The following STXBP2 variants were observed in gnomAD, a reference collection of about 807,000 sequenced individuals.
The protein encoded by STXBP2 is syntaxin binding protein 2.
Under a neutral mutation model 72.2 loss-of-function variants are expected in STXBP2, and 47 were observed. That is an observed-to-expected ratio of 0.65 (90% CI 0.51 to 0.83). The LOEUF (loss-of-function observed/expected upper bound fraction) is 0.83, where lower values mean the gene tolerates loss of function less well. STXBP2 is among the 40% of genes least tolerant of loss of function. The pLI is 0.00. For missense variants in STXBP2, 702 were observed against 807.6 expected, an observed-to-expected ratio of 0.87 and a Z score of 1.58; for synonymous variants, 367 against 338.7, an observed-to-expected ratio of 1.08 and a Z score of -0.92.
intron 1 of STXBP2, 60 bp downstream of exon 1, chr19:7,637,246 A>C (rs1481492887): frequency 8.3e-7 from 1 of 1,205,168 alleles, no homozygotes; most frequent in Non-Finnish European, 1.0e-6. Flanking sequence ...TCGGGGACGC[A>C]CGGGCTCTGG....
rs370755022 is a variant in STXBP2, at chr19:7,643,254, G to A, written c.1107+9G>A. ...TGTGTAGTGTGGAGCAGGTGGGGCA[G>A]GGCTTGCGGGGGGCAGGGGTGATGG... On this transcript the variant is annotated intron_variant, in intron 13 of 18. Transcript: ENST00000221283. 1.2e-6 allele frequency: 2 copies of A among 1,613,000 alleles called. No homozygotes were observed. Among genetic ancestry groups the A allele is most frequent in the Non-Finnish European group, 1.7e-6 (2 of 1,179,784 alleles).
At position 7,646,377 on chromosome 19, in the gene STXBP2, C is replaced by T. The variant is rs1178753731; in HGVS notation, c.1452+33C>T. 5.1e-6 allele frequency: 8 copies of T among 1,569,836 alleles called. No individual in the cohort carries two copies. In the Admixed American group the frequency reaches 5.6e-5, roughly 11 times the overall value. On this transcript the variant is annotated intron_variant, in intron 16 of 18. Transcript: ENST00000221283. ...GTGGCAGGTCAGGGTGGGGGCCAGC[C>T]CTCCGCATCGGCTGGCGGCTCAGCC...
chr19:7,634,833 G>A (rs1436089525), upstream of STXBP2, among the ~76,000 whole-genome samples: 1 of 152,124 alleles, frequency 6.6e-6, no homozygotes, highest in South Asian at 2.1e-4. Context: ...GATGTCCTTG[G>A]CTTGTCACTG....
rs1332603018 is a variant in STXBP2 at position 7,638,640 on chromosome 19, G to A, written c.38-86G>A. The A allele has an allele frequency of 4.2e-6, 6 of 1,418,036 alleles. No homozygotes were observed. In the East Asian group the frequency reaches 1.1e-4, roughly 27 times the overall value. 87.8% of individuals were successfully genotyped at this position (1,418,036 alleles called of 1,614,324 possible). A position where few individuals can be genotyped will look rare whatever the true frequency, so the allele number is the denominator to read the frequency against. ...AAAAAGTAAATGGGAATTAAGATGG[G>A]GGTTCAGCCCCAAGGCTGAGAAGGC... On this transcript the variant is annotated intron_variant, in intron 1 of 18. Transcript: ENST00000221283.
intron 2 of STXBP2, 39 bp from the exon 3 acceptor site, chr19:7,638,980 C>A: frequency 1.2e-6 from 2 of 1,612,380 alleles, no homozygotes; most frequent in Admixed American, 1.7e-5. Context: ...TGGCCTCTTC[C>A]GCCTGCTCCT....
chr19:7,646,418 TGCTAA>T (rs2032141592), intron 16 of STXBP2, 74 bp downstream of exon 16: 1 of 1,343,758 alleles, frequency 7.4e-7, no homozygotes, highest in African/African-American at 1.4e-5. Flanking sequence ...CCTGCTGAGG[TGCTAA>T]GCCTCAGGGC....
upstream of STXBP2, chr19:7,632,373 A>C (rs754400088): frequency 1.2e-6 from 2 of 1,613,202 alleles, no homozygotes; most frequent in African/African-American, 2.7e-5. This position sits in a 1 kb window ranked among gnomAD's most constrained non-coding sequence, Gnocchi z 5.2. Flanking sequence ...TCTCCTCGAC[A>C]TCGCCAGAAC....
upstream of STXBP2, chr19:7,632,256 G>C: frequency 7.5e-7 from 1 of 1,338,924 alleles, no homozygotes; most frequent in African/African-American, 1.4e-5. This position sits in a 1 kb window ranked among gnomAD's most constrained non-coding sequence, Gnocchi z 5.2. Flanking sequence ...CCTGGGCCTT[G>C]GTCCTCCCAT....
At chr19:7,646,542 T>C in intron 16 of STXBP2, 198 bp downstream of exon 16, 1 of 647,662 alleles carries the variant, frequency 1.5e-6, no homozygotes, top group South Asian at 1.7e-5. Context: ...GGGCCTGTGC[T>C]GGGGAGCCTC....
Position 7,642,333 on chromosome 19 carries a change from G to A in STXBP2, c.794G>A (p.Arg265Lys). 6.2e-7 allele frequency: 1 copy of A among 1,613,954 alleles called. No homozygotes were observed. The highest frequency in any genetic ancestry group is 1.7e-5 in the Admixed American group (1 of 60,020). The part of the protein sequence containing the change: ...DLLDIEQDTY[R>K]YETTGLSEAR... ...CTGGACATAGAGCAGGACACATACA[G>A]GTCTGCAGACTTGGAACCCGTCCCC... Residue 265 changes from arginine to lysine, a missense_variant and splice_region_variant, in exon 9 of 19, where the codon AGG becomes AAG. Transcript: ENST00000221283. This position sits in a 1 kb window ranked among gnomAD's most constrained non-coding sequence, Gnocchi z 6.0.
chr19:7,641,348 C>T (rs561959972), intron 6 of STXBP2: 70 of 495,080 alleles, frequency 1.4e-4, no homozygotes, highest in East Asian at 8.4e-4. Flanking sequence ...CCAGCCTGGG[C>T]GACAGAGCGA....
intron 15 of STXBP2, chr19:7,645,974 G>T (rs2146230432): frequency 1.9e-6 from 1 of 534,696 alleles, no homozygotes. Context: ...TTCATACTTT[G>T]TCTCACTGCT....
At chr19:7,632,845 G>A (rs111763211), upstream of STXBP2, 16 of 1,542,958 alleles carry the variant, frequency 1.0e-5, no homozygotes, top group African/African-American at 1.1e-4. This position sits in a 1 kb window ranked among gnomAD's most constrained non-coding sequence, Gnocchi z 5.2. Flanking sequence ...GGACAGACTC[G>A]CTCAGTCTGG....
rs61736589 is a variant in STXBP2 at position 7,647,405 on chromosome 19, G to A, written c.1590G>A (p.Ala530=). 1.6e-3 allele frequency: 2,606 copies of A among 1,613,456 alleles called. 35 individuals carry two copies. In the African/African-American group the frequency reaches 0.031, roughly 19 times the overall value. Residue 530 remains alanine (A), a synonymous_variant, in exon 18 of 19, where the codon GCG becomes GCA. Coordinates refer to ENST00000221283, the MANE Select transcript of STXBP2 (RefSeq NM_006949.4). ...HKNKAGIEAR[A]GPRLIVYVMG... is the part of the protein sequence containing the mutation. ...ACAAGGCTGGCATAGAAGCCCGGGC[G>A]GGCCCCCGGCTCATCGTGTATGTCA...
chr19:7,631,043 T>C, the STXBP2 span: 1 of 774,774 alleles, frequency 1.3e-6, no homozygotes, highest in Non-Finnish European at 2.0e-6. Flanking sequence ...ACCCCATGTC[T>C]ACAGAAATAC....
chr19:7,641,109 A>C, intron 6 of STXBP2, 106 bp downstream of exon 6: 2 of 1,213,780 alleles, frequency 1.6e-6, no homozygotes, highest in Non-Finnish European at 2.4e-6. Context: ...TCATACCTGT[A>C]ATCCCAGCGC....
rs113305305 is a variant in STXBP2, at chr19:7,644,746, C to G, written c.1240C>G (p.Arg414Gly). Residue 414 changes from arginine to glycine, a missense_variant, in exon 14 of 19, where the codon CGG becomes GGG. Coordinates refer to ENST00000221283, the MANE Select transcript of STXBP2 (RefSeq NM_006949.4). ...IRVLLLYILLRNGVSEENLAK... is the reference protein window; with the variant it reads ...IRVLLLYILLGNGVSEENLAK... The stretch of plus-strand genomic sequence containing the variant: ...GGTCCTGCTGCTCTACATCCTCCTT[C>G]GGAATGGTGGGTGGGGGCTGCAGGG... 3 of 1,613,534 alleles carry G rather than the reference C, an allele frequency of 1.9e-6. No individual in the cohort carries two copies. Among genetic ancestry groups the G allele is most frequent in the South Asian group, 2.2e-5 (2 of 91,066 alleles).
At chr19:7,630,220 G>A in the STXBP2 span, 1 of 456,778 alleles carries the variant, frequency 2.2e-6, no homozygotes, top group South Asian at 2.9e-5. Flanking sequence ...GAGAAGTGGA[G>A]TTGAAGAGTG....
rs1599388198 is a variant in STXBP2 at position 7,638,286 on chromosome 19, G to A, written c.38-440G>A. On this transcript the variant is annotated intron_variant, in intron 1 of 18. Coordinates refer to ENST00000221283, the MANE Select transcript of STXBP2 (RefSeq NM_006949.4). ...CTGTAAATTGGGGGTGACCCCAGAA[G>A]CCAATTTGCAGAACTGGGGGCTAAA... 2.0e-5 allele frequency among the ~76,000 whole-genome samples: 3 copies of A among 152,362 alleles called. No individual in the cohort carries two copies. The East Asian group carries it at 5.8e-4, about 29-fold the overall frequency.
Sources: gnomAD v4.1 joint callset for allele counts (sites outside exome capture counted in the v4.1 genomes callset) on GRCh38, gnomAD v4.1.1 for gene constraint, Gnocchi (gnomAD v3.1) non-coding constraint, MANE v1.5 for transcripts, NCBI Gene and HGNC (gene_info 2026-07-23, HGNC 2026-07-21) for gene names.